The following RHOU variants were observed in gnomAD, a reference collection of about 807,000 sequenced individuals.
RHOU encodes the protein ras homolog family member U, also known as rho-related GTP-binding protein RhoU.
Under a neutral mutation model 12.6 loss-of-function variants are expected in RHOU, and 8 were observed. The ratio of observed to expected loss-of-function variants is 0.64; its 90% confidence interval spans 0.37 to 1.15. RHOU has a LOEUF of 1.15. Among genes scored for constraint, RHOU ranks in the 50% most tolerant of loss-of-function variants. The pLI is 0.01. For synonymous variants in RHOU, 161 were observed against 147.4 expected, an observed-to-expected ratio of 1.09 and a Z score of -0.67; for missense variants, 258 against 347.0, an observed-to-expected ratio of 0.74 and a Z score of 2.04.
the RHOU span, among the ~76,000 whole-genome samples, chr1:228,677,173 G>A: frequency 9.9e-5 from 15 of 152,052 alleles, no homozygotes; most frequent in Non-Finnish European, 1.9e-4. Flanking sequence ...AGGTTTTGGG[G>A]TAAGGGGTGA....
the RHOU span, among the ~76,000 whole-genome samples, chr1:228,697,678 C>T: frequency 2.0e-5 from 3 of 152,200 alleles, no homozygotes; most frequent in East Asian, 5.8e-4. Context: ...CCTTGAAGAG[C>T]TCTGTAGTCA....
chr1:228,646,821 G>T, the RHOU span, among the ~76,000 whole-genome samples: 14 of 152,014 alleles, frequency 9.2e-5, no homozygotes, highest in African/African-American at 2.9e-4. Context: ...CACACACGGT[G>T]AAACACAGAC....
rs950603639 is a variant in RHOU, at chr1:228,743,799, T to G, written c.*59T>G. 1.4e-5 allele frequency: 20 copies of G among 1,453,618 alleles called. No homozygotes were observed. Among genetic ancestry groups the G allele is most frequent in the Non-Finnish European group, 1.9e-5 (20 of 1,061,814 alleles). The allele number at this position is 1,453,618 out of a possible 1,614,324, so 90.0% of individuals were successfully genotyped here. On this transcript the variant is annotated 3_prime_UTR_variant, in exon 3 of 3. Transcript: ENST00000366691. The surrounding 1 kb of genome is among the most constrained non-coding windows in gnomAD (Gnocchi z 5.1). ...ATGAAATCGATATTAGAAGCTATAT[T>G]AGCTGAAACAACTCCTTTTACTGCG...
At chr1:228,685,764 T>C in the RHOU span, among the ~76,000 whole-genome samples, 1 of 152,236 alleles carries the variant, frequency 6.6e-6, no homozygotes, top group Non-Finnish European at 1.5e-5. Context: ...TACATTCTAA[T>C]TGAAAAACCT....
chr1:228,649,102 T>A, the RHOU span, among the ~76,000 whole-genome samples: 2 of 152,202 alleles, frequency 1.3e-5, no homozygotes, highest in Admixed American at 1.3e-4. Flanking sequence ...AGACCTCGGG[T>A]GATCTGCCTG....
At chr1:228,728,337 G>A in the RHOU span, among the ~76,000 whole-genome samples, 1 of 152,106 alleles carries the variant, frequency 6.6e-6, no homozygotes, top group Admixed American at 6.5e-5. Context: ...CAGAACTGAT[G>A]CATATAAATT....
chr1:228,686,260 T>A, the RHOU span, among the ~76,000 whole-genome samples: 1 of 152,160 alleles, frequency 6.6e-6, no homozygotes, highest in Non-Finnish European at 1.5e-5. Flanking sequence ...AGCTATATAG[T>A]GATTAGTACT....
At chr1:228,719,977 A>G in the RHOU span, among the ~76,000 whole-genome samples, 1 of 152,212 alleles carries the variant, frequency 6.6e-6, no homozygotes, top group East Asian at 1.9e-4. Flanking sequence ...TAAAAAAGTT[A>G]GACATAAGCA....
At chr1:228,705,785 T>C in the RHOU span, among the ~76,000 whole-genome samples, 1 of 152,194 alleles carries the variant, frequency 6.6e-6, no homozygotes, top group Non-Finnish European at 1.5e-5. Context: ...GGGTCACGCC[T>C]ATAATCCCAG....
chr1:228,680,309 C>G, the RHOU span, among the ~76,000 whole-genome samples: 1 of 152,110 alleles, frequency 6.6e-6, no homozygotes, highest in Non-Finnish European at 1.5e-5. Flanking sequence ...AGTCTGACCT[C>G]CAGTGGGGGC....
At chr1:228,667,853 A>G in the RHOU span, among the ~76,000 whole-genome samples, 1 of 152,216 alleles carries the variant, frequency 6.6e-6, no homozygotes, top group African/African-American at 2.4e-5. Context: ...ATTGTCATAT[A>G]ATAAAAAATA....
the RHOU span, chr1:228,651,218 G>A: frequency 4.7e-6 from 1 of 211,142 alleles, no homozygotes; most frequent in South Asian, 1.0e-4. Flanking sequence ...CTACCAGGGG[G>A]AGGCAGCAGG....
At chr1:228,694,370 G>A in the RHOU span, among the ~76,000 whole-genome samples, 1 of 152,026 alleles carries the variant, frequency 6.6e-6, no homozygotes, top group Admixed American at 6.6e-5. Flanking sequence ...AGGATATGCA[G>A]GTTTGTTACA....
chr1:228,693,470 A>C, the RHOU span, among the ~76,000 whole-genome samples: 1 of 152,110 alleles, frequency 6.6e-6, no homozygotes, highest in Non-Finnish European at 1.5e-5. Context: ...CCTCAGGTTA[A>C]TAATTTTTTT....
chr1:228,664,957 A>C, the RHOU span, among the ~76,000 whole-genome samples: 291 of 152,208 alleles, frequency 1.9e-3, 2 homozygotes, highest in African/African-American at 6.7e-3. Flanking sequence ...CGGCTTGCCA[A>C]GCTTTATTAA....
rs1662780034 is a variant in RHOU at position 228,744,246 on chromosome 1, A to C, written c.*506A>C. Reference sequence around the variant, plus strand: ...TTTTAAGGAGCAAAAATCTGAGAAAAAAAGTGAGAGACCTCTGCCTACAAA... The same window carrying C: ...TTTTAAGGAGCAAAAATCTGAGAAACAAAGTGAGAGACCTCTGCCTACAAA... On this transcript the variant is annotated 3_prime_UTR_variant, in exon 3 of 3. Coordinates refer to ENST00000366691, the MANE Select transcript of RHOU (RefSeq NM_021205.6). 3 of 152,580 alleles carry C rather than the reference A, an allele frequency of 2.0e-5. No individual in the cohort carries two copies. Among genetic ancestry groups the C allele is most frequent in the Admixed American group, 2.0e-4 (3 of 15,298 alleles). 9.5% of individuals were successfully genotyped at this position (152,580 alleles called of 1,614,324 possible). A position where few individuals can be genotyped will look rare whatever the true frequency, so the allele number is the denominator to read the frequency against.
the RHOU span, among the ~76,000 whole-genome samples, chr1:228,664,482 A>C: frequency 3.7e-3 from 571 of 152,268 alleles, 6 homozygotes; most frequent in African/African-American, 0.013. Context: ...CTTTATGAAG[A>C]ATGTTAACCT....
chr1:228,649,647 T>C, the RHOU span, among the ~76,000 whole-genome samples: 5 of 152,268 alleles, frequency 3.3e-5, no homozygotes, highest in Non-Finnish European at 7.3e-5. Context: ...TTTGATATTT[T>C]GGCAAGCTTT....
upstream of RHOU, chr1:228,735,033 A>AG (rs1662562720): frequency 2.6e-5 from 4 of 152,350 alleles, no homozygotes; most frequent in African/African-American, 9.6e-5. This position sits in a 1 kb window ranked among gnomAD's most constrained non-coding sequence, Gnocchi z 8.1. Flanking sequence ...ACAGGCCTCC[A>AG]GGACACTTCA....
Sources: allele counts gnomAD v4.1 joint callset (sites outside exome capture counted in the v4.1 genomes callset), GRCh38; gene constraint gnomAD v4.1.1; non-coding constraint Gnocchi (gnomAD v3.1); transcripts MANE v1.5; gene names NCBI Gene and HGNC (gene_info 2026-07-23, HGNC 2026-07-21).